The following MAF variants were observed in gnomAD, a reference collection of about 807,000 sequenced individuals.
MAF encodes MAF bZIP transcription factor, also known as transcription factor Maf.
Under a neutral mutation model 22.0 loss-of-function variants are expected in MAF, and 10 were observed. The observed-to-expected ratio is 0.45, with a 90% CI of 0.28 to 0.77. The LOEUF is 0.77. Ranked by LOEUF, MAF falls within the 30% of genes least tolerant of loss-of-function variation. The pLI, the probability that MAF is intolerant of heterozygous loss-of-function variation, is 0.12. For missense variants in MAF, 544 were observed against 548.4 expected, an observed-to-expected ratio of 0.99 and a Z score of 0.08; for synonymous variants, 337 against 255.8, an observed-to-expected ratio of 1.32 and a Z score of -3.03.
At chr16:79,230,574 C>A in the MAF span, among the ~76,000 whole-genome samples, 1 of 152,132 alleles carries the variant, frequency 6.6e-6, no homozygotes, top group Non-Finnish European at 1.5e-5. Flanking sequence ...TACAGCTGAG[C>A]AACCTTCAGC....
chr16:79,575,001 T>C, the MAF span, among the ~76,000 whole-genome samples: 1 of 151,304 alleles, frequency 6.6e-6, no homozygotes, highest in African/African-American at 2.4e-5. Context: ...CAATCCTAAT[T>C]GTACATCAGA....
chr16:79,548,041 G>A, the MAF span, among the ~76,000 whole-genome samples: 5 of 152,168 alleles, frequency 3.3e-5, no homozygotes, highest in East Asian at 9.7e-4. Flanking sequence ...ACTGAGATCT[G>A]TTGTTTTAAT....
At chr16:79,272,941 G>A in the MAF span, among the ~76,000 whole-genome samples, 1 of 152,058 alleles carries the variant, frequency 6.6e-6, no homozygotes, top group African/African-American at 2.4e-5. Context: ...AGTTTATTTT[G>A]CCTCTCCTCT....
the MAF span, among the ~76,000 whole-genome samples, chr16:79,363,057 T>G: frequency 1.3e-5 from 2 of 152,098 alleles, no homozygotes; most frequent in African/African-American, 4.8e-5. Context: ...CTTTATCACC[T>G]GATATGGGTC....
the MAF span, among the ~76,000 whole-genome samples, chr16:79,502,230 T>C: frequency 2.6e-5 from 4 of 152,252 alleles, no homozygotes; most frequent in African/African-American, 7.2e-5. Flanking sequence ...AGCCTCACCA[T>C]TGACTAGCCA....
the MAF span, among the ~76,000 whole-genome samples, chr16:79,408,715 A>C: frequency 6.9e-6 from 1 of 145,244 alleles, no homozygotes; most frequent in Non-Finnish European, 1.5e-5. Flanking sequence ...TCTCTCCTCC[A>C]CTCCCTTTTA....
At chr16:79,427,633 T>C in the MAF span, among the ~76,000 whole-genome samples, 11 of 151,988 alleles carry the variant, frequency 7.2e-5, no homozygotes. Context: ...CCCTCTCAAA[T>C]CGCTCTCCAT....
the MAF span, among the ~76,000 whole-genome samples, chr16:79,216,300 A>C: frequency 6.6e-6 from 1 of 152,120 alleles, no homozygotes; most frequent in African/African-American, 2.4e-5. Flanking sequence ...GGCATTATAG[A>C]TGTATAACAC....
chr16:79,543,928 C>T, the MAF span, among the ~76,000 whole-genome samples: 1 of 151,924 alleles, frequency 6.6e-6, no homozygotes, highest in East Asian at 1.9e-4. Context: ...CCTCGTGATC[C>T]ACCCGCCTCG....
chr16:79,297,267 T>G, the MAF span, among the ~76,000 whole-genome samples: 1 of 152,222 alleles, frequency 6.6e-6, no homozygotes, highest in Non-Finnish European at 1.5e-5. Flanking sequence ...GCAATTACTC[T>G]TGATAGCACT....
the MAF span, among the ~76,000 whole-genome samples, chr16:79,419,304 A>T: frequency 9.9e-5 from 15 of 152,220 alleles, no homozygotes; most frequent in African/African-American, 3.4e-4. Context: ...ACTTCCTTGG[A>T]ACAAGGCTTC....
the MAF span, among the ~76,000 whole-genome samples, chr16:79,342,169 G>C: frequency 5.3e-5 from 8 of 152,292 alleles, no homozygotes; most frequent in African/African-American, 1.9e-4. Context: ...CACCCGGCAG[G>C]TAGGTGGCAC....
the MAF span, among the ~76,000 whole-genome samples, chr16:79,352,216 A>G: frequency 6.6e-6 from 1 of 152,222 alleles, no homozygotes; most frequent in African/African-American, 2.4e-5. Flanking sequence ...AGGAGGGTTT[A>G]GGGCCAAGCT....
At chr16:79,556,353 TC>T in the MAF span, among the ~76,000 whole-genome samples, 1 of 152,330 alleles carries the variant, frequency 6.6e-6, no homozygotes, top group East Asian at 1.9e-4. Flanking sequence ...TCAAGCTCCC[TC>T]CTCAAGGCAT....
chr16:79,216,093 A>G, the MAF span, among the ~76,000 whole-genome samples: 3,916 of 152,148 alleles, frequency 0.026, 152 homozygotes, highest in African/African-American at 0.09. Flanking sequence ...TCTATGGCCA[A>G]CCCTATTTCT....
the MAF span, among the ~76,000 whole-genome samples, chr16:79,518,364 C>A: frequency 6.6e-6 from 1 of 152,206 alleles, no homozygotes; most frequent in South Asian, 2.1e-4. Flanking sequence ...ACAGTGAGCT[C>A]CCTGGCTGGC....
chr16:79,568,585 T>G, the MAF span, among the ~76,000 whole-genome samples: 1 of 152,196 alleles, frequency 6.6e-6, no homozygotes, highest in African/African-American at 2.4e-5. Flanking sequence ...AGTGGCCACA[T>G]GCACTTGAGC....
the MAF span, among the ~76,000 whole-genome samples, chr16:79,404,663 T>C: frequency 6.6e-6 from 1 of 151,790 alleles, no homozygotes; most frequent in South Asian, 2.1e-4. Flanking sequence ...GCCTGAATAC[T>C]ACTTATTCTT....
At chr16:79,585,553 T>C (rs1912785252), downstream of MAF, among the ~76,000 whole-genome samples, 1 of 151,940 alleles carries the variant, frequency 6.6e-6, no homozygotes, top group African/African-American at 2.4e-5. Flanking sequence ...AGACTCACGT[T>C]GGATAAAGCT....
Sources: gnomAD v4.1 joint callset for allele counts (sites outside exome capture counted in the v4.1 genomes callset) on GRCh38, gnomAD v4.1.1 for gene constraint, MANE v1.5 for transcripts, NCBI Gene and HGNC (gene_info 2026-07-23, HGNC 2026-07-21) for gene names.